The following SEMA4D variants were observed in gnomAD, a reference collection of about 807,000 sequenced individuals.
The protein encoded by SEMA4D is semaphorin 4D.
A neutral mutation model predicts 74.8 loss-of-function variants in SEMA4D; 22 were observed. The ratio of observed to expected loss-of-function variants is 0.29; its 90% confidence interval spans 0.21 to 0.42. SEMA4D has a LOEUF of 0.42. Among genes scored for constraint, SEMA4D ranks in the 10% least tolerant of loss-of-function variants. The pLI is 1.00. For missense variants in SEMA4D, 937 were observed against 1,118.4 expected (o/e 0.84, Z 2.31); for synonymous variants, 445 against 463.7 (o/e 0.96, Z 0.52).
chr9:89,367,191 T>TA (rs1402276149), intron 16 of SEMA4D: 1 of 152,612 alleles, frequency 6.6e-6, no homozygotes, highest in Admixed American at 6.5e-5. Context: ...AAGTGAGAGT[T>TA]ACCATCAGTG....
At chr9:89,489,526 G>A (rs1825464183) in intron 1 of SEMA4D, among the ~76,000 whole-genome samples, 1 of 152,090 alleles carries the variant, frequency 6.6e-6, no homozygotes, top group African/African-American at 2.4e-5. Context: ...CCAGCTCCTG[G>A]CAACCACTAA....
At chr9:89,450,299 C>A in intron 2 of SEMA4D, 1 of 914,608 alleles carries the variant, frequency 1.1e-6, no homozygotes, top group Non-Finnish European at 1.8e-6. Flanking sequence ...CCACTATGTA[C>A]AAATGAGACC....
chr9:89,434,642 C>A (rs2134797939), intron 2 of SEMA4D, among the ~76,000 whole-genome samples: 1 of 152,312 alleles, frequency 6.6e-6, no homozygotes, highest in East Asian at 1.9e-4. Flanking sequence ...CTGGAAAATC[C>A]AGGAGAATTT....
intron 16 of SEMA4D, chr9:89,364,789 GCAGAGAC>G (rs1201330907): frequency 3.3e-5 from 5 of 152,322 alleles, no homozygotes. Context: ...GGTGGGCGAG[GCAGAGAC>G]GTTCCCCTGT....
chr9:89,398,355 G>A (rs2133441845), intron 5 of SEMA4D, among the ~76,000 whole-genome samples: 1 of 152,278 alleles, frequency 6.6e-6, no homozygotes, highest in Middle Eastern at 3.4e-3. Flanking sequence ...GAGCCGGCCA[G>A]AGCTGGCCAG....
intron 13 of SEMA4D, among the ~76,000 whole-genome samples, chr9:89,383,765 G>A (rs1837742168): frequency 1.3e-5 from 2 of 152,126 alleles, no homozygotes; most frequent in Non-Finnish European, 2.9e-5. Context: ...ATTATTTCAA[G>A]ACAAAATTTT....
intron 2 of SEMA4D, among the ~76,000 whole-genome samples, chr9:89,433,614 A>G (rs535216213): frequency 1.7e-3 from 253 of 152,028 alleles, no homozygotes; most frequent in African/African-American, 5.8e-3. Context: ...TCTGGGAGGG[A>G]CCTCCCACCC....
At chr9:89,433,400 G>C (rs1257969582) in intron 2 of SEMA4D, among the ~76,000 whole-genome samples, 1 of 152,194 alleles carries the variant, frequency 6.6e-6, no homozygotes, top group Admixed American at 6.5e-5. Context: ...GTGGGGAGGG[G>C]TCTCCAATCG....
At chr9:89,385,586 TCTC>T (rs1838260740) in intron 13 of SEMA4D, 1 of 984,904 alleles carries the variant, frequency 1.0e-6, no homozygotes, top group African/African-American at 1.7e-5. Context: ...GAGGGAGAAC[TCTC>T]CATTAGCAGA....
intron 4 of SEMA4D, among the ~76,000 whole-genome samples, chr9:89,400,488 T>C (rs565345343): frequency 6.6e-6 from 1 of 151,430 alleles, no homozygotes; most frequent in East Asian, 1.9e-4. Flanking sequence ...GGAGGGAGAG[T>C]ATGAGGAGAG....
At chr9:89,457,753 G>A (rs540724299) in intron 1 of SEMA4D, among the ~76,000 whole-genome samples, 12 of 151,312 alleles carry the variant, frequency 7.9e-5, no homozygotes, top group African/African-American at 2.9e-4. Context: ...CAAAAAACAG[G>A]CCAGGCACGG....
intron 16 of SEMA4D, chr9:89,364,174 T>C (rs939744770): frequency 3.6e-5 from 31 of 871,500 alleles, no homozygotes; most frequent in South Asian, 3.4e-4. Context: ...TTGACCTTAA[T>C]TGCCATTTTT....
downstream of SEMA4D, chr9:89,376,792 C>CA: frequency 6.6e-7 from 1 of 1,522,680 alleles, no homozygotes; most frequent in South Asian, 1.2e-5. Flanking sequence ...TGGGAGGAGA[C>CA]AGATGGACAG....
chr9:89,451,931 A>G (rs575092335), intron 2 of SEMA4D, among the ~76,000 whole-genome samples: 1 of 152,262 alleles, frequency 6.6e-6, no homozygotes, highest in Admixed American at 6.5e-5. Flanking sequence ...CTCGGCTCTG[A>G]TCAGCACACT....
intron 1 of SEMA4D, among the ~76,000 whole-genome samples, chr9:89,468,110 G>GAA (rs2135886194): frequency 6.6e-6 from 1 of 152,320 alleles, no homozygotes; most frequent in East Asian, 1.9e-4. Flanking sequence ...TGATCACTGA[G>GAA]AAAACTCAGC....
At chr9:89,392,314 A>C (rs1840036418) in intron 8 of SEMA4D, 109 bp downstream of exon 8, 2 of 774,752 alleles carry the variant, frequency 2.6e-6, no homozygotes, top group Non-Finnish European at 4.4e-6. Flanking sequence ...ACAGGGGCTA[A>C]CACAAGCTCG....
In SEMA4D at chr9:89,378,428, A is replaced by G; in HGVS notation, c.*276T>C. On this transcript the variant is annotated 3_prime_UTR_variant, in exon 16 of 16. Transcript: ENST00000422704. ...CCCCCACTACAGAAAGGGCTCAGGA[A>G]CTCCGTGCCGCCCGTGGGCCTTCTT... is the stretch of plus-strand genomic sequence containing the variant. 1 of 392,658 alleles carries G rather than the reference A, an allele frequency of 2.5e-6. No individual in the cohort carries two copies. Among genetic ancestry groups the G allele is most frequent in the Non-Finnish European group, 4.6e-6 (1 of 215,586 alleles). The allele number at this position is 392,658 out of a possible 1,614,324, so 24.3% of individuals were successfully genotyped here. A position where few individuals can be genotyped will look rare whatever the true frequency, so the allele number is the denominator to read the frequency against.
Position 89,378,493 on chromosome 9 carries a change from C to G in SEMA4D, c.*211G>C. 1.8e-6 allele frequency: 1 copy of G among 562,610 alleles called. No individual in the cohort carries two copies. The highest frequency in any genetic ancestry group is 3.0e-5 in the East Asian group (1 of 33,888). 34.9% of individuals were successfully genotyped at this position (562,610 alleles called of 1,614,324 possible). ...GACTTCGGAACACAAGACTGGGATGCAATGCTTGTCATTTTTCCAAAAGGA... is the reference window on the plus strand; with the variant it reads ...GACTTCGGAACACAAGACTGGGATGGAATGCTTGTCATTTTTCCAAAAGGA... On this transcript the variant is annotated 3_prime_UTR_variant, in exon 16 of 16. Transcript: ENST00000422704.
At chr9:89,372,096 G>T (rs1353054124) in intron 16 of SEMA4D, among the ~76,000 whole-genome samples, 37 of 58,190 alleles carry the variant, frequency 6.4e-4, no homozygotes, top group African/African-American at 2.7e-3. Flanking sequence ...TGTGTGTGTG[G>T]GGGGTGTGAT....
Sources: allele counts gnomAD v4.1 joint callset (sites outside exome capture counted in the v4.1 genomes callset), GRCh38; gene constraint gnomAD v4.1.1; transcripts MANE v1.5; gene names NCBI Gene and HGNC (gene_info 2026-07-23, HGNC 2026-07-21).